MAP2: variants seen among roughly 807,000 people sequenced by gnomAD.
MAP2 encodes the protein microtubule-associated protein 2.
MAP2 carries 14 observed loss-of-function variants against 137.6 expected under a neutral mutation model. The observed-to-expected ratio is 0.10, with a 90% CI of 0.07 to 0.16. The LOEUF is 0.16. Ranked by LOEUF, MAP2 falls within the 10% of genes least tolerant of loss-of-function variation. MAP2 has a pLI of 1.00. For synonymous variants in MAP2, 786 were observed against 782.3 expected (o/e 1.00, Z -0.08); for missense variants, 2,088 against 2,191.5 (o/e 0.95, Z 0.94).
chr2:209,496,220 C>A (rs1345747016), intron 1 of MAP2, among the ~76,000 whole-genome samples: 1 of 152,106 alleles, frequency 6.6e-6, no homozygotes, highest in African/African-American at 2.4e-5. Flanking sequence ...GTGCCGTATA[C>A]CACACTAAGT....
chr2:209,653,250 A>G lies in MAP2; in HGVS notation c.80A>G (p.His27Arg), dbSNP rs766970918. ...CTAACAGAGGCATCTGCACACTCAC[A>G]TCCACCTGAGATTAAGGATCAAGGC... The part of the protein sequence containing the change: ...APLTEASAHS[H>R]PPEIKDQGGA... The change falls in exon 5 of 16, where the codon CAT (histidine) becomes CGT (arginine). Residue 27 changes from histidine (H) to arginine (R), a missense_variant. This residue lies in a region of MAP2 where 859 missense variants were observed against 794.5 expected (regional missense o/e 1.08). Transcript: ENST00000682079. The G allele has an allele frequency of 3.1e-6, 5 of 1,613,952 alleles. No individual in the cohort carries two copies. The highest frequency in any genetic ancestry group is 1.7e-5 in the Admixed American group (1 of 59,968).
At position 209,517,970 on chromosome 2, in the gene MAP2, A is replaced by G. The variant is rs1028877754; in HGVS notation, c.-172+10329A>G. Among the ~76,000 whole-genome samples the G allele has an allele frequency of 3.3e-5, 5 of 152,180 alleles. No homozygotes were observed. The East Asian group carries it at 9.6e-4, about 29-fold the overall frequency. On this transcript the variant is annotated intron_variant, in intron 2 of 15. Coordinates refer to ENST00000682079, the MANE Select transcript of MAP2 (RefSeq NM_001375505.1). Reference sequence around the variant, plus strand: ...ACCAGATTACATTCTTTCATCTCATAGTTTCATGGGCATGTATTTTTACCA... The same window carrying G: ...ACCAGATTACATTCTTTCATCTCATGGTTTCATGGGCATGTATTTTTACCA...
At chr2:209,547,019 G>A (rs1243211333) in intron 2 of MAP2, among the ~76,000 whole-genome samples, 3 of 151,982 alleles carry the variant, frequency 2.0e-5, no homozygotes, top group Admixed American at 6.6e-5. Context: ...ATACATATTT[G>A]GAAAGAAAAT....
In MAP2 at chr2:209,693,088, G is replaced by A. The variant is rs367976518; in HGVS notation, c.918G>A (p.Gly306=). The stretch of plus-strand genomic sequence containing the variant: ...TTGATGATATCCCAAAATGGGAAGG[G>A]AAACAGTTTGATTCTCCCATGCCAA... ...DVFDDIPKWE[G]KQFDSPMPSP... The change falls in exon 8 of 16, where the codon GGG becomes GGA. Residue 306 remains glycine (G), a synonymous_variant. Transcript: ENST00000682079. 6.8e-6 allele frequency: 11 copies of A among 1,613,300 alleles called. No homozygotes were observed. In the Admixed American group the frequency reaches 8.3e-5, roughly 12 times the overall value.
rs1325438733 is a variant in MAP2 at position 209,692,795 on chromosome 2, G to A, written c.625G>A (p.Asp209Asn). ...SQPETTKTYP[D>N]KKDMQGTEEE... Reference sequence around the variant, plus strand: ...GCCAGAGACAACTAAAACTTACCCTGATAAAAAGGACATGCAAGGCACGGA... The same window carrying A: ...GCCAGAGACAACTAAAACTTACCCTAATAAAAAGGACATGCAAGGCACGGA... The change falls in exon 8 of 16, where the codon GAT (aspartate) becomes AAT (asparagine). Residue 209 changes from aspartate to asparagine, a missense_variant. Asp to Asn is a conservative substitution (Grantham distance 23). Coordinates refer to ENST00000682079, the MANE Select transcript of MAP2 (RefSeq NM_001375505.1). 3 of 1,613,590 alleles carry A rather than the reference G, an allele frequency of 1.9e-6. No individual in the cohort carries two copies. Among genetic ancestry groups the A allele is most frequent in the African/African-American group, 2.7e-5 (2 of 74,850 alleles).
At chr2:209,596,485 T>C in intron 3 of MAP2, among the ~76,000 whole-genome samples, 1 of 152,222 alleles carries the variant, frequency 6.6e-6, no homozygotes, top group East Asian at 1.9e-4. Context: ...CCTAGTTAAA[T>C]GTTAATGGAT....
At chr2:209,613,670 G>A (rs1218278170) in intron 3 of MAP2, among the ~76,000 whole-genome samples, 1 of 152,130 alleles carries the variant, frequency 6.6e-6, no homozygotes, top group African/African-American at 2.4e-5. Flanking sequence ...CTTTTTTATT[G>A]TAGTATAGTT....
At chr2:209,531,844 C>T (rs1339896655) in intron 2 of MAP2, among the ~76,000 whole-genome samples, 1 of 152,084 alleles carries the variant, frequency 6.6e-6, no homozygotes, top group Admixed American at 6.6e-5. Context: ...ATCTTAGACT[C>T]CTAAGGGAAG....
At chr2:209,477,899 G>A (rs1707728668) in intron 1 of MAP2, among the ~76,000 whole-genome samples, 1 of 151,944 alleles carries the variant, frequency 6.6e-6, no homozygotes, top group Non-Finnish European at 1.5e-5. Flanking sequence ...AGCTACTGCG[G>A]AGGCTGAGGT....
At chr2:209,659,398 A>T (rs963380128) in intron 5 of MAP2, among the ~76,000 whole-genome samples, 1 of 152,174 alleles carries the variant, frequency 6.6e-6, no homozygotes. Context: ...ATGACTTTTC[A>T]CAGTAGATAA....
At position 209,655,418 on chromosome 2, in the gene MAP2, C is replaced by T. The variant is rs1297643702; in HGVS notation, c.262+1986C>T. On this transcript the variant is annotated intron_variant, in intron 5 of 15. Coordinates refer to ENST00000682079, the MANE Select transcript of MAP2 (RefSeq NM_001375505.1). ...CCAAGTATTGAATCCATGAGATATG[C>T]ATGTGTAGAAATCTTTAGAAAAAGG... 4.6e-5 allele frequency among the ~76,000 whole-genome samples: 7 copies of T among 152,152 alleles called. No homozygotes were observed. In the South Asian group the frequency reaches 1.2e-3, roughly 27 times the overall value.
intron 3 of MAP2, among the ~76,000 whole-genome samples, chr2:209,619,619 T>A (rs567251038): frequency 3.0e-4 from 45 of 152,176 alleles, no homozygotes; most frequent in South Asian, 1.2e-3. Flanking sequence ...CCAATTCATA[T>A]TTTATTTATA....
At chr2:209,509,409 A>C (rs1051019144) in intron 2 of MAP2, among the ~76,000 whole-genome samples, 1 of 151,980 alleles carries the variant, frequency 6.6e-6, no homozygotes, top group African/African-American at 2.4e-5. Context: ...TAACGTGTAC[A>C]TATAAATGGA....
chr2:209,527,827 A>G (rs1286718524), intron 2 of MAP2, among the ~76,000 whole-genome samples: 1 of 152,180 alleles, frequency 6.6e-6, no homozygotes, highest in Non-Finnish European at 1.5e-5. Context: ...CAGCTCGGTA[A>G]CCTGCGTTTT....
At chr2:209,678,492 C>A in intron 5 of MAP2, 80 bp from the exon 6 acceptor site, 1 of 642,660 alleles carries the variant, frequency 1.6e-6, no homozygotes, top group Non-Finnish European at 2.6e-6. Flanking sequence ...TTATAATCCA[C>A]TATACTGTTT....
chr2:209,690,722 G>A (rs1220264540), intron 7 of MAP2: 7 of 1,289,822 alleles, frequency 5.4e-6, no homozygotes, highest in Non-Finnish European at 7.1e-6. Context: ...GGGCCAAATG[G>A]AGTCTAGTGC....
At chr2:209,514,881 T>C (rs532214177) in intron 2 of MAP2, among the ~76,000 whole-genome samples, 2 of 152,238 alleles carry the variant, frequency 1.3e-5, no homozygotes, top group East Asian at 3.9e-4. Flanking sequence ...GATAAATGGA[T>C]AGTCATGATG....
At chr2:209,683,315 C>T (rs1183069108) in intron 7 of MAP2, among the ~76,000 whole-genome samples, 2 of 152,144 alleles carry the variant, frequency 1.3e-5, no homozygotes, top group African/African-American at 4.8e-5. Flanking sequence ...TCAAGCCAAA[C>T]TTGTGTTTTT....
chr2:209,722,439 G>T (rs1486472621), intron 13 of MAP2, among the ~76,000 whole-genome samples: 2 of 152,150 alleles, frequency 1.3e-5, no homozygotes, highest in Non-Finnish European at 2.9e-5. Flanking sequence ...TCTTGCAGAT[G>T]GCTGTGTATC....
Sources: allele counts gnomAD v4.1 joint callset (sites outside exome capture counted in the v4.1 genomes callset), GRCh38; gene constraint gnomAD v4.1.1; regional missense constraint gnomAD v4.1.1; transcripts MANE v1.5; gene names NCBI Gene and HGNC (gene_info 2026-07-23, HGNC 2026-07-21).